The following PCDHGB2 variants were observed in gnomAD, a reference collection of about 807,000 sequenced individuals.
PCDHGB2 encodes the protein protocadherin gamma-B2.
A neutral mutation model predicts 59.3 loss-of-function variants in PCDHGB2; 55 were observed. The observed-to-expected ratio is 0.93, with a 90% CI of 0.75 to 1.16. The LOEUF (loss-of-function observed/expected upper bound fraction) is 1.16. Among genes scored for constraint, PCDHGB2 ranks in the 50% most tolerant of loss-of-function variants. PCDHGB2 has a pLI of 0.00. For missense variants in PCDHGB2, 1,228 were observed against 1,198.5 expected, an observed-to-expected ratio of 1.02 and a Z score of -0.36; for synonymous variants, 516 against 512.0, an observed-to-expected ratio of 1.01 and a Z score of -0.11.
rs775963212 is a variant in PCDHGB2, at chr5:141,485,463, G to T, written c.2422-9344G>T. ...CCAATCGACCGAGAGGCACTGTGTG[G>T]GCTCAGTGCCAGCTGCATCGTGCCC... On this transcript the variant is annotated intron_variant, in intron 1 of 3. Coordinates refer to ENST00000522605, the MANE Select transcript of PCDHGB2 (RefSeq NM_018923.3). The surrounding 1 kb of genome is among the most constrained non-coding windows in gnomAD (Gnocchi z 5.7). The T allele has an allele frequency of 1.2e-6, 2 of 1,614,086 alleles. No individual in the cohort carries two copies. The highest frequency in any genetic ancestry group is 3.3e-5 in the Admixed American group (2 of 60,026).
At chr5:141,383,034 G>A in intron 1 of PCDHGB2, 2 of 1,613,860 alleles carry the variant, frequency 1.2e-6, no homozygotes. Context: ...GGTCCTTTGT[G>A]GGAGACATCG....
At chr5:141,447,675 C>T (rs1416110491) in intron 1 of PCDHGB2, among the ~76,000 whole-genome samples, 13 of 152,064 alleles carry the variant, frequency 8.5e-5, no homozygotes, top group Admixed American at 8.5e-4. Context: ...TAGAACTGTT[C>T]CATATCTTGA....
intron 1 of PCDHGB2, chr5:141,378,750 G>T (rs1388712170): frequency 1.3e-5 from 2 of 152,084 alleles, no homozygotes; most frequent in African/African-American, 4.8e-5. Flanking sequence ...CAAGAAAAAA[G>T]GGATTATCAT....
intron 1 of PCDHGB2, chr5:141,410,011 G>T (rs2095347816): frequency 6.2e-7 from 1 of 1,613,184 alleles, no homozygotes; most frequent in South Asian, 1.1e-5. Context: ...ACAACGCCTG[G>T]CTGTCCTACC....
chr5:141,399,421 A>G lies in PCDHGB2; in HGVS notation c.2421+36865A>G, dbSNP rs1444290267. On this transcript the variant is annotated intron_variant, in intron 1 of 3. Coordinates refer to ENST00000522605, the MANE Select transcript of PCDHGB2 (RefSeq NM_018923.3). ...GGGCAAGCCGCCCCTCTCCTCCAGCATAAGCGTCATCCTACATATCAGAGA... is the reference window on the plus strand; with the variant it reads ...GGGCAAGCCGCCCCTCTCCTCCAGCGTAAGCGTCATCCTACATATCAGAGA... 1.2e-6 allele frequency: 2 copies of G among 1,614,036 alleles called. No homozygotes were observed. Among genetic ancestry groups the G allele is most frequent in the Middle Eastern group, 1.6e-4 (1 of 6,062 alleles).
At chr5:141,374,195 G>A in intron 1 of PCDHGB2, 1 of 1,613,870 alleles carries the variant, frequency 6.2e-7, no homozygotes, top group Non-Finnish European at 8.5e-7. Context: ...TATTCCCGAG[G>A]AGCTGGAGAA....
Position 141,397,579 on chromosome 5 carries a change from A to G in PCDHGB2, c.2421+35023A>G, listed in dbSNP as rs73279085. Among the ~76,000 whole-genome samples, 1,264 of 152,334 alleles carry G rather than the reference A, an allele frequency of 8.3e-3. 17 individuals are homozygous for G. Among genetic ancestry groups the G allele is most frequent in the African/African-American group, 0.029 (1,200 of 41,570 alleles). On this transcript the variant is annotated intron_variant, in intron 1 of 3. Coordinates refer to ENST00000522605, the MANE Select transcript of PCDHGB2 (RefSeq NM_018923.3). ...AGGCTCTGAGAGCAAGAACTGTATCATATTAATTATTATATTGCCAGTGAC... is the reference window on the plus strand; with the variant it reads ...AGGCTCTGAGAGCAAGAACTGTATCGTATTAATTATTATATTGCCAGTGAC...
At chr5:141,466,296 A>G (rs2099120415) in intron 1 of PCDHGB2, among the ~76,000 whole-genome samples, 1 of 152,136 alleles carries the variant, frequency 6.6e-6, no homozygotes. Flanking sequence ...TCAGGCTCCC[A>G]AGTAGCTGGG....
At chr5:141,375,688 C>T in intron 1 of PCDHGB2, 1 of 1,614,256 alleles carries the variant, frequency 6.2e-7, no homozygotes, top group Non-Finnish European at 8.5e-7. Context: ...TGACAGCCAG[C>T]GACAGCGGGG....
intron 1 of PCDHGB2, among the ~76,000 whole-genome samples, chr5:141,494,361 G>A (rs1311268562): frequency 6.6e-6 from 1 of 152,184 alleles, no homozygotes; most frequent in African/African-American, 2.4e-5. Flanking sequence ...TGCTGCAGAG[G>A]ATGCTTTGTT....
chr5:141,458,823 C>T (rs1185812086), intron 1 of PCDHGB2, among the ~76,000 whole-genome samples: 1 of 152,126 alleles, frequency 6.6e-6, no homozygotes, highest in African/African-American at 2.4e-5. Flanking sequence ...ACCTCTGCCT[C>T]CCAGGCTCAA....
At chr5:141,451,535 A>G (rs150174911) in intron 1 of PCDHGB2, among the ~76,000 whole-genome samples, 2 of 152,328 alleles carry the variant, frequency 1.3e-5, no homozygotes, top group Non-Finnish European at 2.9e-5. Flanking sequence ...GGAGAGTGCC[A>G]GAGAGGGCAA....
intron 1 of PCDHGB2, chr5:141,384,775 G>T (rs1392115505): frequency 1.9e-6 from 3 of 1,613,792 alleles, no homozygotes; most frequent in African/African-American, 1.3e-5. Context: ...CACGGGCGAG[G>T]TGCGCACGGC....
chr5:141,433,262 T>A, intron 1 of PCDHGB2: 1 of 1,339,436 alleles, frequency 7.5e-7, no homozygotes, highest in Non-Finnish European at 1.0e-6. Flanking sequence ...GGTACGATCA[T>A]AGCTCACTGC....
chr5:141,383,349 T>C lies in PCDHGB2; in HGVS notation c.2421+20793T>C, dbSNP rs781308834. The C allele has an allele frequency of 1.1e-5, 18 of 1,613,856 alleles. No individual in the cohort carries two copies. The African/African-American group carries it at 2.4e-4, about 22-fold the overall frequency. On this transcript the variant is annotated intron_variant, in intron 1 of 3. Transcript: ENST00000522605. The stretch of plus-strand genomic sequence containing the variant: ...TAATGGAGAATACAGCTCCTGGGGT[T>C]CGGTTTCCGTTAAGCGAGGCTGGGG...
intron 1 of PCDHGB2, among the ~76,000 whole-genome samples, chr5:141,406,639 A>G (rs1301755864): frequency 6.6e-6 from 1 of 152,208 alleles, no homozygotes; most frequent in Non-Finnish European, 1.5e-5. Flanking sequence ...AAAGGTCTTA[A>G]TTTCCTAATG....
At chr5:141,383,694 T>C (rs369728109) in intron 1 of PCDHGB2, 13 of 1,613,890 alleles carry the variant, frequency 8.1e-6, no homozygotes, top group Middle Eastern at 1.6e-4. Context: ...TCACGGTACA[T>C]GCTATCGACC....
At chr5:141,375,036 G>A (rs1229219386) in intron 1 of PCDHGB2, 6 of 1,614,002 alleles carry the variant, frequency 3.7e-6, no homozygotes, top group Admixed American at 1.7e-5. Context: ...TATGAGCTGG[G>A]TGTTGAAGCC....
At chr5:141,404,878 T>C (rs748965325) in intron 1 of PCDHGB2, 88 of 1,613,722 alleles carry the variant, frequency 5.5e-5, no homozygotes, top group Non-Finnish European at 7.3e-5. Context: ...AACAGAGCCT[T>C]GTGGTGGCTG....
Sources: allele counts gnomAD v4.1 joint callset (sites outside exome capture counted in the v4.1 genomes callset), GRCh38; gene constraint gnomAD v4.1.1; non-coding constraint Gnocchi (gnomAD v3.1); transcripts MANE v1.5; gene names NCBI Gene and HGNC (gene_info 2026-07-23, HGNC 2026-07-21).